The following SHTN1 variants were observed in gnomAD, a reference collection of about 807,000 sequenced individuals.
SHTN1 encodes shootin-1.
In SHTN1, 42 loss-of-function variants were observed where a neutral mutation model predicts 83.1. The ratio of observed to expected loss-of-function variants is 0.51; its 90% CI spans 0.39 to 0.65. SHTN1 has a LOEUF of 0.65. Among genes scored for constraint, SHTN1 ranks in the 30% least tolerant of loss-of-function variants. The pLI is 0.00. For synonymous variants in SHTN1, 224 were observed against 247.7 expected (o/e 0.90, Z 0.90); for missense variants, 622 against 737.8 (o/e 0.84, Z 1.82).
intron 1 of SHTN1, among the ~76,000 whole-genome samples, chr10:116,989,322 C>T (rs1851333672): frequency 6.6e-6 from 1 of 152,210 alleles, no homozygotes; most frequent in Middle Eastern, 3.4e-3. Flanking sequence ...TACATAATGA[C>T]CTTTTCTAGG....
chr10:116,980,332 A>T (rs1200800806), intron 1 of SHTN1, among the ~76,000 whole-genome samples: 1 of 152,112 alleles, frequency 6.6e-6, no homozygotes, highest in African/African-American at 2.4e-5. Context: ...TTGTTCTGTC[A>T]CTTAGGCTGG....
chr10:117,014,128 A>G (rs1245655237), intron 2 of SHTN1, among the ~76,000 whole-genome samples: 1 of 152,194 alleles, frequency 6.6e-6, no homozygotes, highest in African/African-American at 2.4e-5. Flanking sequence ...CATGGCTACC[A>G]GGGGTTGAGG....
chr10:116,993,008 C>CTTTCTTTTCT, intron 1 of SHTN1, among the ~76,000 whole-genome samples: 1 of 53,714 alleles, frequency 1.9e-5, no homozygotes, highest in African/African-American at 4.8e-5. Context: ...TCTTTTCTTT[C>CTTTCTTTTCT]TTTTTTTTCT....
At chr10:116,918,349 A>T (rs1235800181) in intron 12 of SHTN1, among the ~76,000 whole-genome samples, 1 of 151,976 alleles carries the variant, frequency 6.6e-6, no homozygotes, top group East Asian at 1.9e-4. Context: ...AGACCCACAG[A>T]CAAGACCATC....
intron 10 of SHTN1, among the ~76,000 whole-genome samples, 167 bp downstream of exon 10, chr10:116,929,682 T>C (rs1331327538): frequency 6.6e-6 from 1 of 152,186 alleles, no homozygotes; most frequent in Non-Finnish European, 1.5e-5. Context: ...CAGCAGCTAT[T>C]CTACTGAATT....
chr10:116,915,255 A>T (rs1848344414), intron 13 of SHTN1, 120 bp downstream of exon 13: 1 of 643,590 alleles, frequency 1.6e-6, no homozygotes. Flanking sequence ...CTTTTGTGAC[A>T]CATTAGCTTT....
At chr10:116,936,776 A>G (rs565874219) in intron 9 of SHTN1, among the ~76,000 whole-genome samples, 3 of 152,202 alleles carry the variant, frequency 2.0e-5, no homozygotes, top group African/African-American at 7.2e-5. Context: ...AAAGTCTCCC[A>G]CTATTATTGT....
At chr10:116,933,761 T>A (rs1048540298) in intron 9 of SHTN1, among the ~76,000 whole-genome samples, 3 of 152,190 alleles carry the variant, frequency 2.0e-5, no homozygotes, top group Non-Finnish European at 4.4e-5. Context: ...CCACAATGGT[T>A]GAACTAATTT....
chr10:116,950,261 T>C (rs1210795001), intron 6 of SHTN1, among the ~76,000 whole-genome samples: 2 of 152,006 alleles, frequency 1.3e-5, no homozygotes, highest in Non-Finnish European at 2.9e-5. Context: ...AACTCCTGGG[T>C]TCAAGCAATC....
At chr10:116,960,733 T>A (rs1850156041) in intron 3 of SHTN1, among the ~76,000 whole-genome samples, 2 of 152,198 alleles carry the variant, frequency 1.3e-5, no homozygotes, top group South Asian at 4.1e-4. Flanking sequence ...GCAACATTTG[T>A]CTCTATTAGC....
At chr10:117,080,054 T>C (rs1211040263) in intron 1 of SHTN1, among the ~76,000 whole-genome samples, 1 of 30,148 alleles carries the variant, frequency 3.3e-5, no homozygotes, top group Non-Finnish European at 6.4e-5. Flanking sequence ...AGATCCCATT[T>C]GTCAATTTTG....
At chr10:117,108,474 G>A (rs1047423915) in intron 1 of SHTN1, among the ~76,000 whole-genome samples, 5 of 147,370 alleles carry the variant, frequency 3.4e-5, no homozygotes, top group African/African-American at 5.0e-5. Flanking sequence ...ACCAAACACC[G>A]CATGTTCTCA....
At chr10:116,942,750 A>C (rs1446727078) in intron 8 of SHTN1, among the ~76,000 whole-genome samples, 1 of 152,204 alleles carries the variant, frequency 6.6e-6, no homozygotes, top group African/African-American at 2.4e-5. Flanking sequence ...TAACCTTAAA[A>C]ATTGATTTCT....
At chr10:117,123,013 T>C (rs1256937084) in intron 1 of SHTN1, among the ~76,000 whole-genome samples, 3 of 152,136 alleles carry the variant, frequency 2.0e-5, no homozygotes, top group Admixed American at 6.5e-5. Flanking sequence ...TGGGTTGTTT[T>C]GTTTTGGAGA....
intron 3 of SHTN1, among the ~76,000 whole-genome samples, chr10:116,967,511 T>C (rs183891442): frequency 1.4e-4 from 21 of 152,332 alleles, no homozygotes; most frequent in Admixed American, 1.2e-3. Context: ...GGGATTATTA[T>C]ACACCTGTGA....
chr10:117,086,316 A>G (rs1352787725), intron 1 of SHTN1, among the ~76,000 whole-genome samples: 1 of 152,186 alleles, frequency 6.6e-6, no homozygotes. Flanking sequence ...CTTTACTTTT[A>G]GTCAATTTGT....
chr10:117,114,867 C>T (rs1853822563), intron 1 of SHTN1, among the ~76,000 whole-genome samples: 1 of 152,178 alleles, frequency 6.6e-6, no homozygotes. Context: ...CTGCTCAAGG[C>T]TTCTCTGCTC....
At chr10:117,051,999 C>CATATATATAT (rs71013635) in intron 1 of SHTN1, among the ~76,000 whole-genome samples, 1,130 of 34,102 alleles carry the variant, frequency 0.033, 115 homozygotes, top group African/African-American at 0.079. Context: ...ATGACATAAT[C>CATATATATAT]ATATATATAT....
intron 1 of SHTN1, among the ~76,000 whole-genome samples, chr10:116,998,276 G>C (rs1851701359): frequency 6.6e-6 from 1 of 152,106 alleles, no homozygotes. Context: ...TTCCGTCTTT[G>C]GACATTGGAT....
Sources: allele counts gnomAD v4.1 joint callset (sites outside exome capture counted in the v4.1 genomes callset), GRCh38; gene constraint gnomAD v4.1.1; transcripts MANE v1.5; gene names NCBI Gene and HGNC (gene_info 2026-07-23, HGNC 2026-07-21).